The following AGPS variants were observed in gnomAD, a reference collection of about 807,000 sequenced individuals.
AGPS encodes alkyldihydroxyacetonephosphate synthase, peroxisomal.
Under a neutral mutation model 90.7 loss-of-function variants are expected in AGPS, and 26 were observed. The ratio of observed to expected loss-of-function variants is 0.29; its 90% CI spans 0.21 to 0.40. The LOEUF (loss-of-function observed/expected upper bound fraction) is 0.40, where lower values mean the gene tolerates loss of function less well. Ranked by LOEUF, AGPS falls within the 10% of genes least tolerant of loss-of-function variation. The pLI is 1.00. For missense variants in AGPS, 540 were observed against 816.1 expected (o/e 0.66, Z 4.12); for synonymous variants, 294 against 285.3 (o/e 1.03, Z -0.31).
At position 177,392,776 on chromosome 2, in the gene AGPS, A is replaced by G. The variant is rs752946440; in HGVS notation, c.-14A>G. 5.4e-6 allele frequency: 8 copies of G among 1,468,350 alleles called. No homozygotes were observed. The East Asian group carries it at 1.8e-4, about 34-fold the overall frequency. The allele number at this position is 1,468,350 out of a possible 1,614,324, so 91.0% of individuals were successfully genotyped here. On this transcript the variant is annotated 5_prime_UTR_variant, in exon 1 of 20. Transcript: ENST00000264167. ...GCGCCCAGCGGTTCCGGGCGGCAGCACAAGGCGGTAGCCATGGCGGAGGCG... is the reference window on the plus strand; with the variant it reads ...GCGCCCAGCGGTTCCGGGCGGCAGCGCAAGGCGGTAGCCATGGCGGAGGCG...
chr2:177,441,349 C>A (rs1055726061), intron 6 of AGPS: 1 of 267,192 alleles, frequency 3.7e-6, no homozygotes, highest in Non-Finnish European at 7.1e-6. Context: ...AGAGAATTTT[C>A]TTTTTCAAAA....
intron 7 of AGPS, among the ~76,000 whole-genome samples, chr2:177,442,897 C>G (rs1213710579): frequency 6.6e-6 from 1 of 150,478 alleles, no homozygotes; most frequent in African/African-American, 2.4e-5. Flanking sequence ...TTACATTTTA[C>G]CCTTGTATTC....
At chr2:177,528,176 A>G (rs1015699571) in intron 19 of AGPS, among the ~76,000 whole-genome samples, 2 of 152,238 alleles carry the variant, frequency 1.3e-5, no homozygotes, top group African/African-American at 2.4e-5. Flanking sequence ...ACTCCCAGAT[A>G]TCAAAAGATA....
intron 2 of AGPS, among the ~76,000 whole-genome samples, chr2:177,421,622 G>T (rs996412864): frequency 6.6e-6 from 1 of 151,970 alleles, no homozygotes; most frequent in Admixed American, 6.6e-5. Flanking sequence ...GCAAGCAATG[G>T]AGGCTTAGTT....
intron 1 of AGPS, among the ~76,000 whole-genome samples, chr2:177,401,680 G>T (rs1047954835): frequency 1.3e-5 from 2 of 152,126 alleles, no homozygotes; most frequent in African/African-American, 4.8e-5. Context: ...ATGTAGCTGG[G>T]ATTACAGGTG....
chr2:177,494,809 A>AT (rs1325680587), intron 12 of AGPS, among the ~76,000 whole-genome samples: 1 of 152,164 alleles, frequency 6.6e-6, no homozygotes, highest in Admixed American at 6.6e-5. Flanking sequence ...AGATCTGATC[A>AT]TGCTTTTTGG....
At chr2:177,433,057 T>C (rs1489901399) in intron 2 of AGPS, among the ~76,000 whole-genome samples, 2 of 152,210 alleles carry the variant, frequency 1.3e-5, no homozygotes, top group Non-Finnish European at 2.9e-5. Context: ...AATTTCAACA[T>C]GAGGTCTGGA....
At chr2:177,445,821 A>AATC (rs1481894078) in intron 8 of AGPS, among the ~76,000 whole-genome samples, 195 bp downstream of exon 8, 1 of 152,190 alleles carries the variant, frequency 6.6e-6, no homozygotes, top group Non-Finnish European at 1.5e-5. Flanking sequence ...TGAGGACATG[A>AATC]TAGTGAATAA....
intron 8 of AGPS, among the ~76,000 whole-genome samples, chr2:177,461,305 T>C (rs981229349): frequency 6.6e-6 from 1 of 152,234 alleles, no homozygotes; most frequent in Non-Finnish European, 1.5e-5. Flanking sequence ...GACTATTTAA[T>C]GTATAGTAAT....
intron 5 of AGPS, among the ~76,000 whole-genome samples, chr2:177,438,590 TCTCA>T (rs1467271548): frequency 6.6e-6 from 1 of 152,148 alleles, no homozygotes; most frequent in Non-Finnish European, 1.5e-5. Flanking sequence ...ATCAGTTCCT[TCTCA>T]GTGTATATCC....
At chr2:177,454,506 A>G (rs1008644681) in intron 8 of AGPS, among the ~76,000 whole-genome samples, 3 of 151,018 alleles carry the variant, frequency 2.0e-5, no homozygotes, top group African/African-American at 4.9e-5. Context: ...TTAGTTCTGG[A>G]TTGGTTTTGA....
chr2:177,504,911 T>C (rs987112298), intron 14 of AGPS, among the ~76,000 whole-genome samples: 7 of 152,104 alleles, frequency 4.6e-5, no homozygotes, highest in Non-Finnish European at 8.8e-5. Flanking sequence ...TCTAACTAGA[T>C]CATCAAATAC....
At chr2:177,502,754 A>C (rs1169612175) in intron 14 of AGPS, among the ~76,000 whole-genome samples, 1 of 152,084 alleles carries the variant, frequency 6.6e-6, no homozygotes, top group African/African-American at 2.4e-5. Flanking sequence ...TAATACTTGG[A>C]AATATCTTCT....
At chr2:177,461,013 G>A (rs867044175) in intron 8 of AGPS, among the ~76,000 whole-genome samples, 7 of 152,174 alleles carry the variant, frequency 4.6e-5, no homozygotes, top group Non-Finnish European at 1.0e-4. Context: ...ATATACAGAC[G>A]TGGCTGACAT....
At chr2:177,492,644 T>C (rs897375851) in intron 11 of AGPS, among the ~76,000 whole-genome samples, 3 of 152,204 alleles carry the variant, frequency 2.0e-5, no homozygotes, top group African/African-American at 7.2e-5. Flanking sequence ...TGTGTCTGTG[T>C]TTTAAGTGAT....
chr2:177,523,469 TTAAC>T, intron 18 of AGPS, among the ~76,000 whole-genome samples: 1 of 152,244 alleles, frequency 6.6e-6, no homozygotes, highest in Non-Finnish European at 1.5e-5. Flanking sequence ...ATTAATATTA[TTAAC>T]AATTTAGTGT....
At chr2:177,414,569 T>C (rs181194362) in intron 1 of AGPS, among the ~76,000 whole-genome samples, 1 of 152,286 alleles carries the variant, frequency 6.6e-6, no homozygotes, top group Admixed American at 6.5e-5. Context: ...TAGTTAAATG[T>C]ATATTTGGTT....
intron 2 of AGPS, among the ~76,000 whole-genome samples, chr2:177,432,031 T>C (rs1686259689): frequency 6.6e-6 from 1 of 152,180 alleles, no homozygotes; most frequent in Admixed American, 6.5e-5. Context: ...CTGTTCGGGG[T>C]CCCTGACTTC....
chr2:177,446,456 G>A (rs1281557929), intron 8 of AGPS, among the ~76,000 whole-genome samples: 4 of 152,150 alleles, frequency 2.6e-5, no homozygotes, highest in Admixed American at 1.3e-4. Context: ...TTGCTTTTGA[G>A]GGTCTGCAGA....
Sources: gnomAD v4.1 joint callset for allele counts (sites outside exome capture counted in the v4.1 genomes callset) on GRCh38, gnomAD v4.1.1 for gene constraint, MANE v1.5 for transcripts, NCBI Gene and HGNC (gene_info 2026-07-23, HGNC 2026-07-21) for gene names.